The following C2CD2 variants were observed in gnomAD, a reference collection of about 807,000 sequenced individuals.
C2CD2 encodes C2 domain-containing protein 2.
Under a neutral mutation model 74.3 loss-of-function variants are expected in C2CD2, and 43 were observed. That is an observed-to-expected ratio of 0.58 (90% CI 0.45 to 0.75). The LOEUF is 0.75. Ranked by LOEUF, C2CD2 falls within the 30% of genes least tolerant of loss-of-function variation. C2CD2 has a pLI of 0.00. For synonymous variants in C2CD2, 422 were observed against 390.7 expected (o/e 1.08, Z -0.94); for missense variants, 801 against 916.3 (o/e 0.87, Z 1.63).
At chr21:41,947,112 T>TCTCTCTCTCTCTCTCTCTCTCTCCC (rs1555906757) in intron 1 of C2CD2, among the ~76,000 whole-genome samples, 1 of 26,150 alleles carries the variant, frequency 3.8e-5, no homozygotes, top group Non-Finnish European at 9.1e-5. Flanking sequence ...CCTTTCTCTT[T>TCTCTCTCTCTCTCTCTCTCTCTCCC]TCTCTCTCTC....
rs1454272251 is a variant in C2CD2, at chr21:41,906,823, TAAC to T, written c.1318+166_1318+168del. Among the ~76,000 whole-genome samples the T allele has an allele frequency of 2.0e-5, 3 of 152,342 alleles. No homozygotes were observed. The East Asian group carries it at 5.8e-4, about 29-fold the overall frequency. ...GAAGAGAAAGATAACTGTCATCCGA[TAAC>T]AACAACAAACTAAGCACAAGTGTGG... On this transcript the variant is annotated intron_variant, in intron 10 of 13. Coordinates refer to ENST00000380486, the MANE Select transcript of C2CD2 (RefSeq NM_015500.2).
At position 41,895,150 on chromosome 21, in the gene C2CD2, TG is replaced by T; in HGVS notation, c.1870+3902del. ...AGCTGAAGGCCCTAAGAGCAAACACTGGTTTTCCAGGGAGGAGGAAATTCTG... is the reference window on the plus strand; with the variant it reads ...AGCTGAAGGCCCTAAGAGCAAACACTGTTTTCCAGGGAGGAGGAAATTCTG... On this transcript the variant is annotated intron_variant, in intron 13 of 13. Coordinates refer to ENST00000380486, the MANE Select transcript of C2CD2 (RefSeq NM_015500.2). This position sits in a 1 kb window ranked among gnomAD's most constrained non-coding sequence, Gnocchi z 5.0. The T allele has an allele frequency of 2.9e-6, 1 of 349,340 alleles. No homozygotes were observed. Among genetic ancestry groups the T allele is most frequent in the South Asian group, 2.1e-5 (1 of 46,992 alleles). The allele number at this position is 349,340 out of a possible 1,614,324, so 21.6% of individuals were successfully genotyped here.
At chr21:41,932,467 C>T (rs929536291) in intron 2 of C2CD2, among the ~76,000 whole-genome samples, 1 of 150,662 alleles carries the variant, frequency 6.6e-6, no homozygotes, top group Non-Finnish European at 1.5e-5. Flanking sequence ...AGAACGGGGG[C>T]AACCCGGAGC....
intron 13 of C2CD2, among the ~76,000 whole-genome samples, chr21:41,891,693 A>T (rs1039517994): frequency 6.6e-6 from 1 of 152,152 alleles, no homozygotes; most frequent in African/African-American, 2.4e-5. Context: ...AAGGGCTCCC[A>T]GGTGGAACAG....
intron 1 of C2CD2, among the ~76,000 whole-genome samples, chr21:41,946,092 A>C (rs980853232): frequency 3.3e-5 from 5 of 152,230 alleles, no homozygotes; most frequent in African/African-American, 1.2e-4. Context: ...CAAATAATAA[A>C]GACAGTAAGG....
intron 3 of C2CD2, among the ~76,000 whole-genome samples, chr21:41,919,443 A>G (rs1027946247): frequency 7.2e-5 from 11 of 152,034 alleles, no homozygotes; most frequent in Non-Finnish European, 1.3e-4. Flanking sequence ...GCCTCAACCT[A>G]CCCCTCAAAG....
In C2CD2 at chr21:41,939,776, A is replaced by G. The variant is rs140171650; in HGVS notation, c.378+2371T>C. Among the ~76,000 whole-genome samples, 1 of 152,332 alleles carries G rather than the reference A, an allele frequency of 6.6e-6. No individual in the cohort carries two copies. Among genetic ancestry groups the G allele is most frequent in the African/African-American group, 2.4e-5 (1 of 41,580 alleles). On this transcript the variant is annotated intron_variant, in intron 2 of 13. Coordinates refer to ENST00000380486, the MANE Select transcript of C2CD2 (RefSeq NM_015500.2). The surrounding 1 kb of genome is among the most constrained non-coding windows in gnomAD (Gnocchi z 5.5). Reference sequence around the variant, plus strand: ...GGTATGCAGGAAGGAGAGCTCTCCTATGCTGCTGGGGCAGAGAAAACCGGG... The same window carrying G: ...GGTATGCAGGAAGGAGAGCTCTCCTGTGCTGCTGGGGCAGAGAAAACCGGG...
At position 41,948,886 on chromosome 21, in the gene C2CD2, TTTTTTTC is replaced by T. The variant is rs1257145479; in HGVS notation, c.279+4477_279+4483del. 1.0e-3 allele frequency among the ~76,000 whole-genome samples: 129 copies of T among 129,000 alleles called. 16 individuals carry two copies. Among genetic ancestry groups the T allele is most frequent in the Non-Finnish European group, 1.5e-3 (90 of 59,282 alleles). 84.6% of individuals were successfully genotyped at this position (129,000 alleles called of 152,430 possible). ...ACACAGCATCTTTTTTTTTTTTTTT[TTTTTTTC>T]TTTTTTTTTACAAAGACCATAATGA... On this transcript the variant is annotated intron_variant, in intron 1 of 13. Transcript: ENST00000380486.
At chr21:41,953,258 G>A in intron 1 of C2CD2, 112 bp downstream of exon 1, 1 of 605,710 alleles carries the variant, frequency 1.7e-6, no homozygotes, top group Non-Finnish European at 2.6e-6. Flanking sequence ...GCTGGGGGGA[G>A]GACTCCCTTA....
Position 41,889,067 on chromosome 21 carries a change from G to T in C2CD2, c.*57C>A. 1 of 1,310,348 alleles carries T rather than the reference G, an allele frequency of 7.6e-7. No homozygotes were observed. Among genetic ancestry groups the T allele is most frequent in the Non-Finnish European group, 1.1e-6 (1 of 908,658 alleles). 81.2% of individuals were successfully genotyped at this position (1,310,348 alleles called of 1,614,324 possible). A position where few individuals can be genotyped will look rare whatever the true frequency, so the allele number is the denominator to read the frequency against. On this transcript the variant is annotated 3_prime_UTR_variant, in exon 14 of 14. Transcript: ENST00000380486. ...CGGCGGACACACTGGCTGCGTCCTG[G>T]TGAGGGTAGTTAACATGGGTGCACG...
rs1489630637 is a variant in C2CD2 at position 41,923,602 on chromosome 21, A to AACC, written c.379-1520_379-1518dup. On this transcript the variant is annotated intron_variant, in intron 2 of 13. Coordinates refer to ENST00000380486, the MANE Select transcript of C2CD2 (RefSeq NM_015500.2). This position sits in a 1 kb window ranked among gnomAD's most constrained non-coding sequence, Gnocchi z 5.8. ...TTATAAAATTATGCAGCCGTACCAA[A>AACC]ACCAGAATTATAAAATGAGCTCGTT... Among the ~76,000 whole-genome samples the AACC allele has an allele frequency of 3.9e-5, 6 of 152,206 alleles. No individual in the cohort carries two copies. The highest frequency in any genetic ancestry group is 1.4e-4 in the African/African-American group (6 of 41,454).
At chr21:41,906,522 C>A (rs1601562042) in intron 10 of C2CD2, among the ~76,000 whole-genome samples, 1 of 152,170 alleles carries the variant, frequency 6.6e-6, no homozygotes, top group African/African-American at 2.4e-5. Flanking sequence ...CGTGCCACCA[C>A]GCCCAGTTAA....
At chr21:41,933,539 T>C (rs7281894) in intron 2 of C2CD2, among the ~76,000 whole-genome samples, 41,145 of 152,194 alleles carry the variant, frequency 0.27, 6,468 homozygotes, top group Non-Finnish European at 0.35. Flanking sequence ...TTAAGCTGGC[T>C]GGATGCCTTT....
At position 41,951,565 on chromosome 21, in the gene C2CD2, G is replaced by A. The variant is rs116170112; in HGVS notation, c.279+1805C>T. ...ACAGCAGAGAGAGAACAGAGAAGGC[G>A]CAAACAAGGTGAGACCCTCTCTCCT... On this transcript the variant is annotated intron_variant, in intron 1 of 13. Coordinates refer to ENST00000380486, the MANE Select transcript of C2CD2 (RefSeq NM_015500.2). Among the ~76,000 whole-genome samples the A allele has an allele frequency of 4.8e-3, 736 of 152,224 alleles. 3 individuals carry two copies. The highest frequency in any genetic ancestry group is 0.017 in the African/African-American group (699 of 41,524).
Position 41,909,459 on chromosome 21 carries a change from CT to C in C2CD2, c.1017del (p.Gly340ValfsTer25), listed in dbSNP as rs777070408. On this transcript the variant is annotated frameshift_variant and splice_region_variant, in exon 8 of 14. Coordinates refer to ENST00000380486, the MANE Select transcript of C2CD2 (RefSeq NM_015500.2). LOFTEE classifies it high-confidence loss of function. ...GCCTCTGTCCTCCTGCTCAACCCACCTTCTGAGGATCGCCCAGCCTCTGAAA... is the reference window on the plus strand; with the variant it reads ...GCCTCTGTCCTCCTGCTCAACCCACCTCTGAGGATCGCCCAGCCTCTGAAA... ...LQISEAGRSSEGLLATATVPL... is the reference protein window; with the variant it reads ...LQISEAGRSSXGLLATATVPL... The C allele has an allele frequency of 1.2e-6, 2 of 1,611,286 alleles. No homozygotes were observed. The highest frequency in any genetic ancestry group is 1.7e-6 in the Non-Finnish European group (2 of 1,177,524).
chr21:41,893,832 G>T (rs1217507413), intron 13 of C2CD2, among the ~76,000 whole-genome samples: 1 of 151,276 alleles, frequency 6.6e-6, no homozygotes, highest in Non-Finnish European at 1.5e-5. Context: ...CTCCCAAGCA[G>T]CTGGGATTAC....
chr21:41,935,133 A>G (rs2065296045), intron 2 of C2CD2, among the ~76,000 whole-genome samples: 1 of 152,144 alleles, frequency 6.6e-6, no homozygotes, highest in African/African-American at 2.4e-5. Flanking sequence ...CTCGTGATCC[A>G]CCTGCCCTGG....
chr21:41,927,371 G>T (rs2065222628), intron 2 of C2CD2, among the ~76,000 whole-genome samples: 1 of 152,140 alleles, frequency 6.6e-6, no homozygotes, highest in African/African-American at 2.4e-5. Context: ...TCACCATGTT[G>T]GCCAGGCTGG....
intron 2 of C2CD2, among the ~76,000 whole-genome samples, chr21:41,935,897 G>A (rs1299340487): frequency 6.6e-6 from 1 of 152,066 alleles, no homozygotes; most frequent in African/African-American, 2.4e-5. Context: ...CTATCCACGT[G>A]CAGAAGAATG....
Sources: gnomAD v4.1 joint callset for allele counts (sites outside exome capture counted in the v4.1 genomes callset) on GRCh38, gnomAD v4.1.1 for gene constraint, Gnocchi (gnomAD v3.1) non-coding constraint, MANE v1.5 for transcripts, NCBI Gene and HGNC (gene_info 2026-07-23, HGNC 2026-07-21) for gene names.